The following KLRD1 variants were observed in gnomAD, a reference collection of about 807,000 sequenced individuals.
KLRD1 encodes natural killer cells antigen CD94.
In KLRD1, 21 loss-of-function variants were observed where a neutral mutation model predicts 22.6. That is an observed-to-expected ratio of 0.93 (90% CI 0.66 to 1.34). The LOEUF is 1.34. Among genes scored for constraint, KLRD1 ranks in the 40% most tolerant of loss-of-function variants. KLRD1 has a pLI of 0.00. For missense variants in KLRD1, 183 were observed against 208.6 expected, an observed-to-expected ratio of 0.88 and a Z score of 0.76; for synonymous variants, 59 against 71.1, an observed-to-expected ratio of 0.83 and a Z score of 0.85.
At chr12:10,300,482 A>G (rs1270118272), upstream of KLRD1, among the ~76,000 whole-genome samples, 1 of 152,214 alleles carries the variant, frequency 6.6e-6, no homozygotes, top group African/African-American at 2.4e-5. Flanking sequence ...GGTTAAAAAT[A>G]TTTACTAAAC....
intron 1 of KLRD1, among the ~76,000 whole-genome samples, chr12:10,260,061 G>A (rs1169102699): frequency 6.6e-6 from 1 of 152,020 alleles, no homozygotes; most frequent in East Asian, 1.9e-4. Context: ...CTACTTAAAT[G>A]GTCTTTCTTT....
At chr12:10,255,472 GA>G (rs1386101569) in intron 1 of KLRD1, among the ~76,000 whole-genome samples, 2 of 152,076 alleles carry the variant, frequency 1.3e-5, no homozygotes, top group African/African-American at 4.8e-5. Context: ...TGTATTTAAA[GA>G]TATAAATTTG....
chr12:10,247,039 T>TCTCC (rs1016463516), intron 1 of KLRD1, among the ~76,000 whole-genome samples: 1 of 151,252 alleles, frequency 6.6e-6, no homozygotes, highest in Non-Finnish European at 1.5e-5. Context: ...TTCAAGTGAT[T>TCTCC]CTCCTGCCTT....
chr12:10,264,538 GTAT>G (rs1949482200), intron 1 of KLRD1, among the ~76,000 whole-genome samples: 2 of 152,012 alleles, frequency 1.3e-5, no homozygotes, highest in Non-Finnish European at 2.9e-5. Context: ...TTATCGAATT[GTAT>G]TATTTTCCAG....
At chr12:10,242,784 C>T (rs1009282810) in intron 1 of KLRD1, among the ~76,000 whole-genome samples, 1 of 152,098 alleles carries the variant, frequency 6.6e-6, no homozygotes, top group Non-Finnish European at 1.5e-5. Context: ...TTGCATCTCC[C>T]TGATGATTAG....
rs1260663526 is a variant in KLRD1, at chr12:10,321,307, A to G, written c.*6514A>G. The G allele has an allele frequency of 6.6e-6, 1 of 152,212 alleles. No individual in the cohort carries two copies. The highest frequency in any genetic ancestry group is 2.4e-5 in the African/African-American group (1 of 41,448). 9.4% of individuals were successfully genotyped at this position (152,212 alleles called of 1,614,324 possible). On this transcript the variant is annotated 3_prime_UTR_variant, in exon 6 of 6. Transcript: ENST00000336164. ...TTCACAAGCCTTCACATGGAGAAAA[A>G]TGATACTCAAGAAGCTAAACTTAAG...
At chr12:10,263,783 G>T (rs959099145) in intron 1 of KLRD1, among the ~76,000 whole-genome samples, 7 of 151,992 alleles carry the variant, frequency 4.6e-5, no homozygotes, top group Non-Finnish European at 7.4e-5. Context: ...TTGCTGAGTC[G>T]TTCCCTCGCC....
At chr12:10,273,147 CAAATT>C (rs1949564430) in intron 1 of KLRD1, among the ~76,000 whole-genome samples, 2 of 151,880 alleles carry the variant, frequency 1.3e-5, no homozygotes, top group South Asian at 2.1e-4. Flanking sequence ...AAATAACTGT[CAAATT>C]AAATAATGAA....
chr12:10,309,361 C>A (rs1346743164), intron 1 of KLRD1, 27 bp from the exon 2 acceptor site: 11 of 1,042,712 alleles, frequency 1.1e-5, no homozygotes, highest in South Asian at 4.0e-5. Context: ...CTCTTTAAGT[C>A]ATTACTCTGT....
At chr12:10,246,248 A>T (rs1012593461) in intron 1 of KLRD1, among the ~76,000 whole-genome samples, 2 of 151,966 alleles carry the variant, frequency 1.3e-5, no homozygotes, top group African/African-American at 4.8e-5. Flanking sequence ...GAATGCAGAA[A>T]TTGTGGGGAT....
At chr12:10,260,977 AT>A (rs34182647) in intron 1 of KLRD1, among the ~76,000 whole-genome samples, 115 of 148,970 alleles carry the variant, frequency 7.7e-4, no homozygotes, top group African/African-American at 1.5e-3. Flanking sequence ...AAAAAAAAAA[AT>A]TTTTTTGAGG....
At chr12:10,283,973 C>A (rs1949672136) in intron 1 of KLRD1, among the ~76,000 whole-genome samples, 1 of 141,982 alleles carries the variant, frequency 7.0e-6, no homozygotes, top group East Asian at 2.0e-4. Flanking sequence ...GTCAGGAGTT[C>A]AAGACCAGCC....
chr12:10,305,675 C>G (rs558356650), upstream of KLRD1, among the ~76,000 whole-genome samples: 3 of 152,268 alleles, frequency 2.0e-5, no homozygotes, highest in East Asian at 3.9e-4. Context: ...TGTCTGAGAA[C>G]AGCAAGGCTT....
intron 1 of KLRD1, among the ~76,000 whole-genome samples, chr12:10,275,977 T>C (rs1207831641): frequency 2.6e-5 from 4 of 152,220 alleles, no homozygotes; most frequent in Admixed American, 6.5e-5. Context: ...TCTTGCTTCT[T>C]ATGCACATAT....
chr12:10,253,726 G>A (rs771307486), intron 1 of KLRD1, among the ~76,000 whole-genome samples: 1 of 152,114 alleles, frequency 6.6e-6, no homozygotes, highest in Non-Finnish European at 1.5e-5. Flanking sequence ...CTCCATCCAT[G>A]TTCCTGTAAA....
chr12:10,309,711 C>T lies in KLRD1; in HGVS notation c.163+23C>T, dbSNP rs1438430327. The T allele has an allele frequency of 3.9e-6, 6 of 1,551,180 alleles. No homozygotes were observed. The Admixed American group carries it at 8.4e-5, about 22-fold the overall frequency. On this transcript the variant is annotated intron_variant, in intron 3 of 5. Coordinates refer to ENST00000336164, the MANE Select transcript of KLRD1 (RefSeq NM_002262.5). ...AAGGTAGGTCACATTTTTTGGAAAA[C>T]TTAGCATTGGTAAAAGATTAAATAG...
rs571509450 is a variant in KLRD1 at position 10,289,960 on chromosome 12, T to TA, written c.-100-18017dup. On this transcript the variant is annotated intron_variant, in intron 1 of 5. Transcript: ENST00000544747. ...CACCCAGCTAGTTTTGTATTTTTAG[T>TA]AGAGATGGGGTTTCTCCATGCTTGT... Among the ~76,000 whole-genome samples, 386 of 152,230 alleles carry TA rather than the reference T, an allele frequency of 2.5e-3. 1 individual carries two copies. The highest frequency in any genetic ancestry group is 8.8e-3 in the African/African-American group (367 of 41,536).
rs1337377734 is a variant in KLRD1 at position 10,328,041 on chromosome 12, T to C, written c.*13248T>C. 1.3e-5 allele frequency: 2 copies of C among 152,170 alleles called. No homozygotes were observed. The highest frequency in any genetic ancestry group is 4.8e-5 in the African/African-American group (2 of 41,442). The allele number at this position is 152,170 out of a possible 1,614,324, so 9.4% of individuals were successfully genotyped here. A position where few individuals can be genotyped will look rare whatever the true frequency, so the allele number is the denominator to read the frequency against. On this transcript the variant is annotated 3_prime_UTR_variant, in exon 6 of 6. Transcript: ENST00000336164. ...TGCTTATGGCATATACTCCTTTTAG[T>C]GTACTGTTGAATTAATTTTGCTACT...
In KLRD1 at chr12:10,296,543, C is replaced by A. The variant is rs546953758; in HGVS notation, c.-100-11435C>A. ...AAATAAAAATAAAAAAAACCACACA[C>A]ACACACACAAAAACATACAAAGGAA... On this transcript the variant is annotated intron_variant, in intron 1 of 5. Transcript: ENST00000544747. Among the ~76,000 whole-genome samples the A allele has an allele frequency of 4.6e-5, 7 of 151,940 alleles. No individual in the cohort carries two copies. In the South Asian group the frequency reaches 1.5e-3, roughly 32 times the overall value.
Sources: gnomAD v4.1 joint callset for allele counts (sites outside exome capture counted in the v4.1 genomes callset) on GRCh38, gnomAD v4.1.1 for gene constraint, MANE v1.5 for transcripts, NCBI Gene and HGNC (gene_info 2026-07-23, HGNC 2026-07-21) for gene names.